Variants in PLCB1 observed in about 807,000 individuals in gnomAD.
The protein encoded by PLCB1 is 1-phosphatidylinositol 4,5-bisphosphate phosphodiesterase beta-1.
In PLCB1, 46 loss-of-function variants were observed where a neutral mutation model predicts 161.8. The ratio of observed to expected loss-of-function variants is 0.28; its 90% confidence interval spans 0.22 to 0.36. The LOEUF is 0.36. PLCB1 is among the 10% of genes least tolerant of loss of function. The pLI is 1.00. For synonymous variants in PLCB1, 517 were observed against 503.7 expected (o/e 1.03, Z -0.35); for missense variants, 1,016 against 1,472.5 (o/e 0.69, Z 5.07).
chr20:8,247,588 A>T (rs924204203), intron 2 of PLCB1, among the ~76,000 whole-genome samples: 1 of 151,852 alleles, frequency 6.6e-6, no homozygotes, highest in Non-Finnish European at 1.5e-5. Flanking sequence ...ATTTATAAAT[A>T]ACATGAGTGA....
chr20:8,523,486 C>CCATATATATATATATA (rs1341360626), intron 3 of PLCB1, among the ~76,000 whole-genome samples: 3 of 61,184 alleles, frequency 4.9e-5, no homozygotes, highest in African/African-American at 9.0e-5. Context: ...CTCTCTCTCT[C>CCATATATATATATATA]TCTCTCTCTC....
intron 31 of PLCB1, among the ~76,000 whole-genome samples, chr20:8,869,871 T>A (rs558211956): frequency 6.6e-6 from 1 of 152,276 alleles, no homozygotes; most frequent in Non-Finnish European, 1.5e-5. Context: ...TAGGATAATT[T>A]GGGGTATGGG....
intron 3 of PLCB1, among the ~76,000 whole-genome samples, chr20:8,458,718 G>A (rs1274622948): frequency 6.6e-6 from 1 of 152,144 alleles, no homozygotes; most frequent in Non-Finnish European, 1.5e-5. Context: ...GACATTTGAG[G>A]TTGTCATTCT....
At chr20:8,713,770 G>C (rs1979149645) in intron 12 of PLCB1, among the ~76,000 whole-genome samples, 1 of 152,186 alleles carries the variant, frequency 6.6e-6, no homozygotes, top group Non-Finnish European at 1.5e-5. Context: ...CCAGCTACAT[G>C]AATCAGGGGA....
chr20:8,361,176 G>A (rs1414256675), intron 2 of PLCB1, among the ~76,000 whole-genome samples: 1 of 152,216 alleles, frequency 6.6e-6, no homozygotes, highest in Non-Finnish European at 1.5e-5. Flanking sequence ...CTGGCCTCTA[G>A]GGCCCAATGT....
intron 2 of PLCB1, among the ~76,000 whole-genome samples, chr20:8,199,282 A>G (rs567969002): frequency 2.0e-5 from 3 of 152,198 alleles, no homozygotes; most frequent in African/African-American, 7.2e-5. Flanking sequence ...ACATCCTTGC[A>G]TGTTGATTGT....
Position 8,652,806 on chromosome 20 carries a change from A to G in PLCB1, c.594+3357A>G, listed in dbSNP as rs374057792. The G allele has an allele frequency of 2.6e-5, 4 of 152,194 alleles. No individual in the cohort carries two copies. In the East Asian group the frequency reaches 7.7e-4, roughly 29 times the overall value. The allele number at this position is 152,194 out of a possible 1,614,324, so 9.4% of individuals were successfully genotyped here. ...CTGGCTGACGTGATCCACTAGAATAACATATTCCTTTAGAAGATGCTACTC... is the reference window on the plus strand; with the variant it reads ...CTGGCTGACGTGATCCACTAGAATAGCATATTCCTTTAGAAGATGCTACTC... On this transcript the variant is annotated intron_variant, in intron 7 of 31. Coordinates refer to ENST00000338037, the MANE Select transcript of PLCB1 (RefSeq NM_015192.4).
At chr20:8,543,438 G>A (rs1813997280) in intron 3 of PLCB1, among the ~76,000 whole-genome samples, 1 of 152,076 alleles carries the variant, frequency 6.6e-6, no homozygotes, top group Admixed American at 6.6e-5. Flanking sequence ...AAACAGATCA[G>A]TGGCGGCCTG....
chr20:8,280,329 C>T (rs2123282889), intron 2 of PLCB1, among the ~76,000 whole-genome samples: 1 of 145,718 alleles, frequency 6.9e-6, no homozygotes, highest in South Asian at 2.1e-4. Flanking sequence ...GAGCGAAACT[C>T]TGTCTCAAAA....
chr20:8,486,481 ATTTTTTT>A (rs71183092), intron 3 of PLCB1, among the ~76,000 whole-genome samples: 5 of 85,808 alleles, frequency 5.8e-5, no homozygotes, highest in African/African-American at 9.2e-5. Flanking sequence ...ATTCCAAAAT[ATTTTTTT>A]TTTTTTTTTT....
chr20:8,436,758 T>C (rs2122597156), intron 3 of PLCB1, among the ~76,000 whole-genome samples: 1 of 152,270 alleles, frequency 6.6e-6, no homozygotes, highest in South Asian at 2.1e-4. Context: ...ACACTTGACC[T>C]AGCCACCGTA....
At chr20:8,635,680 C>T (rs1044465320) in intron 4 of PLCB1, among the ~76,000 whole-genome samples, 14 of 152,092 alleles carry the variant, frequency 9.2e-5, no homozygotes, top group African/African-American at 3.1e-4. Context: ...ATAGTTGACA[C>T]CTTTCAGGAT....
intron 31 of PLCB1, among the ~76,000 whole-genome samples, chr20:8,844,661 T>C (rs759978776): frequency 3.3e-5 from 5 of 152,144 alleles, no homozygotes; most frequent in Non-Finnish European, 4.4e-5. Context: ...CTAACAACCT[T>C]TTAACAAACT....
chr20:8,642,699 G>A (rs1198925313), intron 4 of PLCB1, among the ~76,000 whole-genome samples: 3 of 152,084 alleles, frequency 2.0e-5, no homozygotes, highest in Non-Finnish European at 4.4e-5. Flanking sequence ...TAATTCAATA[G>A]AGGACGAGAT....
intron 2 of PLCB1, among the ~76,000 whole-genome samples, chr20:8,214,620 AG>A (rs1979020755): frequency 6.6e-6 from 1 of 151,086 alleles, no homozygotes; most frequent in Non-Finnish European, 1.5e-5. Context: ...ATTCATTAAA[AG>A]GCTACTGAAC....
chr20:8,222,689 G>T (rs1445594622), intron 2 of PLCB1, among the ~76,000 whole-genome samples: 1 of 151,904 alleles, frequency 6.6e-6, no homozygotes, highest in Non-Finnish European at 1.5e-5. Context: ...CTTCTTTTGG[G>T]ACTCCAATTA....
At chr20:8,673,865 A>G (rs1227137678) in intron 9 of PLCB1, among the ~76,000 whole-genome samples, 1 of 152,210 alleles carries the variant, frequency 6.6e-6, no homozygotes, top group African/African-American at 2.4e-5. Flanking sequence ...AGTGAACTAG[A>G]GAAACACTGC....
intron 9 of PLCB1, among the ~76,000 whole-genome samples, chr20:8,671,888 G>C (rs1004479234): frequency 6.6e-6 from 1 of 152,146 alleles, no homozygotes; most frequent in African/African-American, 2.4e-5. Context: ...CCTCAGACAA[G>C]TTGCTAACAT....
intron 31 of PLCB1, among the ~76,000 whole-genome samples, chr20:8,796,350 GA>G (rs1984027011): frequency 6.6e-6 from 1 of 152,166 alleles, no homozygotes; most frequent in Non-Finnish European, 1.5e-5. Flanking sequence ...CTCTGAGACA[GA>G]ACCTTAAATG....
Sources: allele counts gnomAD v4.1 joint callset (sites outside exome capture counted in the v4.1 genomes callset), GRCh38; gene constraint gnomAD v4.1.1; transcripts MANE v1.5; gene names NCBI Gene and HGNC (gene_info 2026-07-23, HGNC 2026-07-21).